The following BST1 variants were observed in gnomAD, a reference collection of about 807,000 sequenced individuals.
BST1 encodes the protein bone marrow stromal cell antigen 1.
A neutral mutation model predicts 40.6 loss-of-function variants in BST1; 49 were observed. The observed-to-expected ratio is 1.21, with a 90% CI of 0.96 to 1.53. BST1 has a LOEUF of 1.53. Among genes scored for constraint, BST1 ranks in the 40% most tolerant of loss-of-function variants. BST1 has a pLI of 0.00. For missense variants in BST1, 423 were observed against 395.9 expected, an observed-to-expected ratio of 1.07 and a Z score of -0.58; for synonymous variants, 157 against 159.3, an observed-to-expected ratio of 0.99 and a Z score of 0.11.
chr4:15,740,831 C>A (rs1306744932), downstream of BST1, among the ~76,000 whole-genome samples: 2 of 152,032 alleles, frequency 1.3e-5, no homozygotes, highest in African/African-American at 4.8e-5. Flanking sequence ...ACTACTGAAT[C>A]CCTCAGATTT....
chr4:15,719,743 C>T (rs1720706962), intron 7 of BST1, among the ~76,000 whole-genome samples: 1 of 152,190 alleles, frequency 6.6e-6, no homozygotes, highest in Non-Finnish European at 1.5e-5. Flanking sequence ...GATTATCCTG[C>T]TTCTCTGCCA....
intron 2 of BST1, 66 bp downstream of exon 2, chr4:15,705,707 G>C (rs1719846609): frequency 6.3e-7 from 1 of 1,579,794 alleles, no homozygotes; most frequent in East Asian, 2.2e-5. Context: ...TGGTGCATGG[G>C]CCAGGTTGAC....
intron 7 of BST1, among the ~76,000 whole-genome samples, chr4:15,721,007 G>C (rs1242450232): frequency 6.6e-6 from 1 of 152,130 alleles, no homozygotes; most frequent in East Asian, 1.9e-4. Flanking sequence ...GGGCTTATGT[G>C]CTTCCTCTCT....
At chr4:15,752,597 A>T in the BST1 span, among the ~76,000 whole-genome samples, 1 of 151,984 alleles carries the variant, frequency 6.6e-6, no homozygotes, top group Admixed American at 6.6e-5. Context: ...CATGTTGGTC[A>T]GGCTGGTCTC....
the BST1 span, among the ~76,000 whole-genome samples, chr4:15,752,618 C>A: frequency 2.6e-5 from 4 of 151,856 alleles, no homozygotes; most frequent in Non-Finnish European, 5.9e-5. Context: ...AAACTCCTGA[C>A]CTCAAGTGAT....
At chr4:15,760,873 T>A in the BST1 span, among the ~76,000 whole-genome samples, 22 of 151,018 alleles carry the variant, frequency 1.5e-4, no homozygotes, top group African/African-American at 4.6e-4. Context: ...TTTTGGTATT[T>A]TTAGTAGAGA....
At chr4:15,705,469 T>G in intron 1 of BST1, 46 bp from the exon 2 acceptor site, 1 of 1,525,636 alleles carries the variant, frequency 6.6e-7, no homozygotes, top group East Asian at 2.3e-5. Context: ...CACAACACAT[T>G]ATGATGTGCA....
At chr4:15,773,551 T>C in the BST1 span, among the ~76,000 whole-genome samples, 1 of 152,222 alleles carries the variant, frequency 6.6e-6, no homozygotes, top group South Asian at 2.1e-4. Context: ...TGGACCATTA[T>C]TAAAATCCCA....
At chr4:15,735,260 T>C (rs1721514408), downstream of BST1, among the ~76,000 whole-genome samples, 1 of 152,224 alleles carries the variant, frequency 6.6e-6, no homozygotes, top group Non-Finnish European at 1.5e-5. Flanking sequence ...ACAGGGCCCA[T>C]CTTCATGGTG....
In BST1 at chr4:15,723,092, AG is replaced by A. The variant is rs527696190; in HGVS notation, c.851+159del. On this transcript the variant is annotated intron_variant, in intron 8 of 8. Transcript: ENST00000265016. ...ATTTTTATTTATATGTATCTGTCTT[AG>A]TTTTTGTACAAAAAGCAATCACGCT... Among the ~76,000 whole-genome samples, 18 of 152,284 alleles carry A rather than the reference AG, an allele frequency of 1.2e-4. No homozygotes were observed. In the South Asian group the frequency reaches 3.7e-3, roughly 32 times the overall value.
intron 8 of BST1, among the ~76,000 whole-genome samples, chr4:15,726,609 A>C (rs75456140): frequency 7.2e-5 from 11 of 152,336 alleles, no homozygotes; most frequent in African/African-American, 2.6e-4. Flanking sequence ...CTGGAACCTC[A>C]TAAGTCTTGG....
chr4:15,771,849 T>C, the BST1 span, among the ~76,000 whole-genome samples: 1 of 152,232 alleles, frequency 6.6e-6, no homozygotes, highest in African/African-American at 2.4e-5. Context: ...TTAAGTAAAC[T>C]CTAGCATACT....
the BST1 span, among the ~76,000 whole-genome samples, chr4:15,761,911 T>C: frequency 6.6e-6 from 1 of 151,886 alleles, no homozygotes; most frequent in Non-Finnish European, 1.5e-5. Context: ...TTTTAAGAAC[T>C]TAATTCGGCC....
chr4:15,731,573 G>A (rs1303044973), intron 8 of BST1, 167 bp from the exon 9 acceptor site: 4 of 1,069,536 alleles, frequency 3.7e-6, no homozygotes, highest in Non-Finnish European at 5.7e-6. Flanking sequence ...TGGTTTCGGT[G>A]CAGGACTTCG....
the BST1 span, among the ~76,000 whole-genome samples, chr4:15,760,794 TC>T: frequency 6.6e-6 from 1 of 151,288 alleles, no homozygotes; most frequent in Non-Finnish European, 1.5e-5. Context: ...GCTCAGGTGA[TC>T]CTCCTACTTC....
chr4:15,710,614 A>G (rs1360856761), intron 3 of BST1, among the ~76,000 whole-genome samples: 1 of 152,070 alleles, frequency 6.6e-6, no homozygotes, highest in Non-Finnish European at 1.5e-5. Context: ...TCTGGTAGCC[A>G]CTATTCTACC....
intron 1 of BST1, 128 bp downstream of exon 1, chr4:15,703,460 A>C: frequency 7.3e-7 from 1 of 1,377,314 alleles, no homozygotes; most frequent in East Asian, 2.9e-5. Flanking sequence ...GGGAGAGGTG[A>C]GTGTGGAGAC....
intron 7 of BST1, among the ~76,000 whole-genome samples, chr4:15,720,532 A>G (rs1720750524): frequency 6.6e-6 from 1 of 151,008 alleles, no homozygotes; most frequent in African/African-American, 2.4e-5. Flanking sequence ...CAGGAGAATC[A>G]CTTGAGGCAG....
chr4:15,757,710 C>T, the BST1 span, among the ~76,000 whole-genome samples: 1 of 152,092 alleles, frequency 6.6e-6, no homozygotes, highest in African/African-American at 2.4e-5. Flanking sequence ...GGCAGGATCT[C>T]GGCTCTCTGC....
Sources: gnomAD v4.1 joint callset for allele counts (sites outside exome capture counted in the v4.1 genomes callset) on GRCh38, gnomAD v4.1.1 for gene constraint, MANE v1.5 for transcripts, NCBI Gene and HGNC (gene_info 2026-07-23, HGNC 2026-07-21) for gene names.